KLHL32: variants seen among roughly 807,000 people sequenced by gnomAD.
KLHL32 encodes kelch-like protein 32.
Under a neutral mutation model 64.8 loss-of-function variants are expected in KLHL32, and 35 were observed. The observed-to-expected ratio is 0.54, with a 90% CI of 0.41 to 0.72. The LOEUF is 0.72. Among genes scored for constraint, KLHL32 ranks in the 30% least tolerant of loss-of-function variants. The pLI is 0.00. For missense variants in KLHL32, 589 were observed against 768.5 expected, an observed-to-expected ratio of 0.77 and a Z score of 2.76; for synonymous variants, 259 against 281.0, an observed-to-expected ratio of 0.92 and a Z score of 0.78.
At chr6:97,080,210 T>TA (rs1218821829) in intron 5 of KLHL32, among the ~76,000 whole-genome samples, 6 of 152,162 alleles carry the variant, frequency 3.9e-5, no homozygotes, top group African/African-American at 1.4e-4. Context: ...GAAAACAGGA[T>TA]GACCACTGGC....
chr6:96,904,365 G>T, the KLHL32 span, among the ~76,000 whole-genome samples: 2 of 141,734 alleles, frequency 1.4e-5, no homozygotes, highest in Admixed American at 1.4e-4. Flanking sequence ...AAAAAGAAAA[G>T]AAAAAGAAAG....
intron 1 of KLHL32, among the ~76,000 whole-genome samples, chr6:96,943,406 A>G (rs1205597758): frequency 6.6e-6 from 1 of 151,576 alleles, no homozygotes; most frequent in Non-Finnish European, 1.5e-5. Flanking sequence ...AAAAAACCTT[A>G]TACTGTTCTA....
intron 1 of KLHL32, among the ~76,000 whole-genome samples, chr6:96,941,799 G>GA (rs1041101724): frequency 2.0e-5 from 3 of 151,944 alleles, no homozygotes; most frequent in African/African-American, 7.3e-5. Context: ...TAAGCAATGA[G>GA]AAGACCCCCA....
the KLHL32 span, among the ~76,000 whole-genome samples, chr6:96,905,760 T>C: frequency 3.3e-5 from 5 of 152,230 alleles, no homozygotes; most frequent in Non-Finnish European, 7.3e-5. Flanking sequence ...TAGTTTAGGT[T>C]TGATTGGCAC....
At chr6:96,935,073 G>A (rs925108244) in intron 1 of KLHL32, among the ~76,000 whole-genome samples, 32 of 151,976 alleles carry the variant, frequency 2.1e-4, no homozygotes, top group African/African-American at 7.0e-4. Context: ...AGACAACTTG[G>A]AAGGCATAAA....
intron 1 of KLHL32, among the ~76,000 whole-genome samples, chr6:96,940,303 T>C (rs7761614): frequency 0.23 from 34,991 of 151,880 alleles, 4,304 homozygotes; most frequent in African/African-American, 0.3. Context: ...ATCAATTAAA[T>C]CTCAAGGAAC....
intron 1 of KLHL32, among the ~76,000 whole-genome samples, chr6:96,951,978 A>G (rs1359018746): frequency 2.0e-5 from 3 of 152,162 alleles, no homozygotes; most frequent in Non-Finnish European, 4.4e-5. Context: ...AAGTTTGCAC[A>G]TTCTCCCCAT....
chr6:97,041,472 T>A lies in KLHL32; in HGVS notation c.205-20T>A. The A allele has an allele frequency of 6.5e-7, 1 of 1,548,330 alleles. No individual in the cohort carries two copies. The highest frequency in any genetic ancestry group is 8.9e-7 in the Non-Finnish European group (1 of 1,120,146). On this transcript the variant is annotated intron_variant, in intron 3 of 10. Transcript: ENST00000369261. The stretch of plus-strand genomic sequence containing the variant: ...GCTGTCAAAGTCTCATAACTGTCTT[T>A]CTCCCTTTCCTCACCTCAGGCAATG...
At chr6:96,995,991 G>A (rs1025010211) in intron 3 of KLHL32, among the ~76,000 whole-genome samples, 3 of 152,212 alleles carry the variant, frequency 2.0e-5, no homozygotes, top group African/African-American at 4.8e-5. Flanking sequence ...TTGAAACAGA[G>A]ATAGCAAGAG....
At chr6:96,997,987 G>A (rs1467265012) in intron 3 of KLHL32, among the ~76,000 whole-genome samples, 1 of 152,202 alleles carries the variant, frequency 6.6e-6, no homozygotes, top group Middle Eastern at 3.4e-3. Context: ...GAAATCACAT[G>A]TAGTGACACG....
At chr6:97,085,475 T>C in intron 6 of KLHL32, 134 bp downstream of exon 6, 2 of 722,684 alleles carry the variant, frequency 2.8e-6, no homozygotes, top group Admixed American at 4.9e-5. Flanking sequence ...TCATGCTTCC[T>C]TGATGGACAA....
chr6:96,950,970 C>T (rs745951219), intron 1 of KLHL32, among the ~76,000 whole-genome samples: 2 of 151,994 alleles, frequency 1.3e-5, no homozygotes, highest in African/African-American at 4.8e-5. Context: ...CTCAAGAAAG[C>T]CTTGTAATAC....
intron 4 of KLHL32, among the ~76,000 whole-genome samples, chr6:97,064,366 T>C (rs1789382166): frequency 6.6e-6 from 1 of 152,086 alleles, no homozygotes. Flanking sequence ...TACAAAAAAA[T>C]AAGTGGTTAA....
chr6:97,077,112 G>T (rs1791716919), intron 5 of KLHL32, among the ~76,000 whole-genome samples: 1 of 152,126 alleles, frequency 6.6e-6, no homozygotes, highest in Non-Finnish European at 1.5e-5. Flanking sequence ...TCAAACAAAT[G>T]ATACAAATAG....
At chr6:96,937,041 G>A (rs1208411182) in intron 1 of KLHL32, among the ~76,000 whole-genome samples, 2 of 151,010 alleles carry the variant, frequency 1.3e-5, no homozygotes, top group African/African-American at 4.9e-5. Flanking sequence ...TTTCCCCACA[G>A]CTCTTATCGA....
chr6:97,000,758 A>G (rs1416434994), intron 3 of KLHL32, among the ~76,000 whole-genome samples: 3 of 152,256 alleles, frequency 2.0e-5, no homozygotes, highest in African/African-American at 7.2e-5. Flanking sequence ...AATACTGCAC[A>G]TAATTTCCAA....
At chr6:97,022,714 T>C (rs1782179192) in intron 3 of KLHL32, among the ~76,000 whole-genome samples, 1 of 152,038 alleles carries the variant, frequency 6.6e-6, no homozygotes, top group Non-Finnish European at 1.5e-5. Context: ...AGGTGATCCA[T>C]TGGCCTCAGC....
At chr6:97,087,720 C>G (rs1793639575) in intron 6 of KLHL32, among the ~76,000 whole-genome samples, 1 of 152,124 alleles carries the variant, frequency 6.6e-6, no homozygotes, top group African/African-American at 2.4e-5. Flanking sequence ...GGTGGCTCTT[C>G]TACTATGTAC....
At chr6:97,002,621 C>T (rs1474494116) in intron 3 of KLHL32, among the ~76,000 whole-genome samples, 1 of 152,144 alleles carries the variant, frequency 6.6e-6, no homozygotes, top group Admixed American at 6.6e-5. Flanking sequence ...CCTCACCCTC[C>T]TCCAACCCTC....
Sources: allele counts gnomAD v4.1 joint callset (sites outside exome capture counted in the v4.1 genomes callset), GRCh38; gene constraint gnomAD v4.1.1; transcripts MANE v1.5; gene names NCBI Gene and HGNC (gene_info 2026-07-23, HGNC 2026-07-21).